Variants in SPRY2 observed in about 807,000 individuals in gnomAD.
SPRY2 encodes the protein protein sprouty homolog 2.
In SPRY2, 10 loss-of-function variants were observed where a neutral mutation model predicts 23.4. The ratio of observed to expected loss-of-function variants is 0.43; its 90% CI spans 0.26 to 0.73. SPRY2 has a LOEUF of 0.73. Among genes scored for constraint, SPRY2 ranks in the 30% least tolerant of loss-of-function variants. SPRY2 has a pLI of 0.22. For missense variants in SPRY2, 344 were observed against 396.9 expected (o/e 0.87, Z 1.13); for synonymous variants, 170 against 156.9 (o/e 1.08, Z -0.62).
chr13:80,337,103 G>A lies in SPRY2; in HGVS notation c.603C>T (p.Cys201=), dbSNP rs368278394. Residue 201 remains cysteine, a synonymous_variant, in exon 2 of 2, where the codon TGC becomes TGT. Coordinates refer to ENST00000377104, the MANE Select transcript of SPRY2 (RefSeq NM_005842.4). ...YPRPLPSDWI[C]DKQCLCSAQN... is the part of the protein sequence containing the mutation. ...GGGCCGAGCAAAGGCACTGCTTGTCGCAGATCCAGTCTGATGGCAGAGGCC... is the reference window on the plus strand; with the variant it reads ...GGGCCGAGCAAAGGCACTGCTTGTCACAGATCCAGTCTGATGGCAGAGGCC... 74 of 1,614,108 alleles carry A rather than the reference G, an allele frequency of 4.6e-5. No homozygotes were observed. The highest frequency in any genetic ancestry group is 5.3e-5 in the Non-Finnish European group (62 of 1,180,056).
intron 1 of SPRY2, among the ~76,000 whole-genome samples, chr13:80,338,104 T>C (rs757030259): frequency 3.0e-4 from 45 of 152,224 alleles, no homozygotes; most frequent in Non-Finnish European, 5.7e-4. Context: ...CTACCAATGT[T>C]TTCAAAAGTT....
rs1201281013 is a variant in SPRY2 at position 80,340,999 on chromosome 13, G to C, written c.-429C>G. 1 of 149,652 alleles carries C rather than the reference G, an allele frequency of 6.7e-6. No individual in the cohort carries two copies. The highest frequency in any genetic ancestry group is 2.4e-5 in the African/African-American group (1 of 41,122). The allele number at this position is 149,652 out of a possible 1,614,324, so 9.3% of individuals were successfully genotyped here. ...CAAGTGGTGCGGCCGGGGCCGCGTC[G>C]TAGCGGAGGCGGCGCGGGGGCGCGG... On this transcript the variant is annotated 5_prime_UTR_variant, in exon 1 of 2. Coordinates refer to ENST00000377104, the MANE Select transcript of SPRY2 (RefSeq NM_005842.4).
At chr13:80,339,977 A>G (rs557591992) in intron 1 of SPRY2, among the ~76,000 whole-genome samples, 2 of 152,182 alleles carry the variant, frequency 1.3e-5, no homozygotes, top group Non-Finnish European at 2.9e-5. Flanking sequence ...CGGAAGAGAG[A>G]GAGCTGCACT....
rs530848353 is a variant in SPRY2 at position 80,336,682 on chromosome 13, G to A, written c.*76C>T. 1 of 1,367,370 alleles carries A rather than the reference G, an allele frequency of 7.3e-7. No homozygotes were observed. Among genetic ancestry groups the A allele is most frequent in the Admixed American group, 2.0e-5 (1 of 51,148 alleles). The allele number at this position is 1,367,370 out of a possible 1,614,324, so 84.7% of individuals were successfully genotyped here. A position where few individuals can be genotyped will look rare whatever the true frequency, so the allele number is the denominator to read the frequency against. ...TATTAACAGTGCCAAGATTATAACT[G>A]TTTAGTTGGTTGCATATGTGTATTA... On this transcript the variant is annotated 3_prime_UTR_variant, in exon 2 of 2. Coordinates refer to ENST00000377104, the MANE Select transcript of SPRY2 (RefSeq NM_005842.4).
rs938573158 is a variant in SPRY2, at chr13:80,337,837, C to T, written c.-51-81G>A. 1.4e-5 allele frequency: 11 copies of T among 797,758 alleles called. No individual in the cohort carries two copies. In the African/African-American group the frequency reaches 1.5e-4, roughly 11 times the overall value. The allele number at this position is 797,758 out of a possible 1,614,324, so 49.4% of individuals were successfully genotyped here. ...ACCCACCTGAATTGACTCCTCACTTCCCACTTTCCCTAGAGAAACAGGATT... is the reference window on the plus strand; with the variant it reads ...ACCCACCTGAATTGACTCCTCACTTTCCACTTTCCCTAGAGAAACAGGATT... On this transcript the variant is annotated intron_variant, in intron 1 of 1. Coordinates refer to ENST00000377104, the MANE Select transcript of SPRY2 (RefSeq NM_005842.4).
chr13:80,336,937 C>G lies in SPRY2; in HGVS notation c.769G>C (p.Gly257Arg). The stretch of plus-strand genomic sequence containing the variant: ...CAAGGCAAAAAGAGGGACATGACAC[C>G]CATGGCTGACCATCGTGTACAACAG... Reference protein sequence around the residue: ...SHCCTRWSAMGVMSLFLPCLW... With the variant: ...SHCCTRWSAMRVMSLFLPCLW... The change falls in exon 2 of 2, where the codon GGT becomes CGT. Residue 257 changes from glycine (G) to arginine (R), a missense_variant. Gly to Arg is a moderately radical substitution (Grantham distance 125). Transcript: ENST00000377104. 6.2e-7 allele frequency: 1 copy of G among 1,614,158 alleles called. No homozygotes were observed. Among genetic ancestry groups the G allele is most frequent in the Non-Finnish European group, 8.5e-7 (1 of 1,180,038 alleles).
chr13:80,337,782 G>C, intron 1 of SPRY2, 26 bp from the exon 2 acceptor site: 3 of 1,340,070 alleles, frequency 2.2e-6, no homozygotes, highest in Non-Finnish European at 3.1e-6. Flanking sequence ...GGAAAGAACG[G>C]TTGATACTCT....
rs918165041 is a variant in SPRY2, at chr13:80,339,989, C to T, written c.-52+633G>A. On this transcript the variant is annotated intron_variant, in intron 1 of 1. Transcript: ENST00000377104. ...GAACGGAAGAGAGAGAGCTGCACTT[C>T]CGAACCGCAGAGACCCGGCGCCAGG... Among the ~76,000 whole-genome samples, 3 of 152,218 alleles carry T rather than the reference C, an allele frequency of 2.0e-5. No individual in the cohort carries two copies. The East Asian group carries it at 5.8e-4, about 29-fold the overall frequency.
At chr13:80,340,432 G>A (rs188771967) in intron 1 of SPRY2, among the ~76,000 whole-genome samples, 190 bp downstream of exon 1, 3 of 152,326 alleles carry the variant, frequency 2.0e-5, no homozygotes, top group African/African-American at 7.2e-5. Flanking sequence ...GCAGAGGCAG[G>A]CCGAGCCCAA....
chr13:80,336,112 T>A lies in SPRY2; in HGVS notation c.*646A>T, dbSNP rs1051880198. 1 of 152,252 alleles carries A rather than the reference T, an allele frequency of 6.6e-6. No homozygotes were observed. The highest frequency in any genetic ancestry group is 2.4e-5 in the African/African-American group (1 of 41,456). The allele number at this position is 152,252 out of a possible 1,614,324, so 9.4% of individuals were successfully genotyped here. On this transcript the variant is annotated 3_prime_UTR_variant, in exon 2 of 2. Coordinates refer to ENST00000377104, the MANE Select transcript of SPRY2 (RefSeq NM_005842.4). The stretch of plus-strand genomic sequence containing the variant: ...GCCTCTTAAAATAAATATTCTTTTT[T>A]ATAAAATAATAAAACTTCAAATAAA...
Position 80,336,646 on chromosome 13 carries a change from T to TC in SPRY2, c.*111dup. 8.8e-7 allele frequency: 1 copy of TC among 1,136,196 alleles called. No individual in the cohort carries two copies. The highest frequency in any genetic ancestry group is 1.3e-6 in the Non-Finnish European group (1 of 779,094). 70.4% of individuals were successfully genotyped at this position (1,136,196 alleles called of 1,614,324 possible). Reference sequence around the variant, plus strand: ...ATTTCACCGCAAACAGCAAAGACTATCCCACCTTTCTATTAACAGTGCCAA... The same window carrying TC: ...ATTTCACCGCAAACAGCAAAGACTATCCCCACCTTTCTATTAACAGTGCCAA... On this transcript the variant is annotated 3_prime_UTR_variant, in exon 2 of 2. Transcript: ENST00000377104.
rs964705203 is a variant in SPRY2, at chr13:80,336,806, G to A, written c.900C>T (p.Cys300=). ...GCRCKNSNTV[C]CKVPTVPPRN... ...TAGGGGGGACAGTGGGAACTTTGCA[G>A]CAAACTGTGTTTGAGTTTTTACAGC... The change falls in exon 2 of 2, where the codon TGC becomes TGT. Residue 300 remains cysteine, a synonymous_variant. Transcript: ENST00000377104. The A allele has an allele frequency of 6.2e-7, 1 of 1,614,184 alleles. No homozygotes were observed. The highest frequency in any genetic ancestry group is 1.3e-5 in the African/African-American group (1 of 75,056).
At position 80,340,644 on chromosome 13, in the gene SPRY2, C is replaced by T. The variant is rs1880477393; in HGVS notation, c.-74G>A. On this transcript the variant is annotated 5_prime_UTR_variant, in exon 1 of 2. Transcript: ENST00000377104. ...CACCGTGATCGCGGCTTTGCACCAA[C>T]CCCTCTCCCTTGGATTCTCTTCTTT... 3 of 152,276 alleles carry T rather than the reference C, an allele frequency of 2.0e-5. No individual in the cohort carries two copies. The highest frequency in any genetic ancestry group is 2.0e-4 in the Admixed American group (3 of 15,290). 9.4% of individuals were successfully genotyped at this position (152,276 alleles called of 1,614,324 possible). A position where few individuals can be genotyped will look rare whatever the true frequency, so the allele number is the denominator to read the frequency against.
rs1374205604 is a variant in SPRY2, at chr13:80,337,749, C to T, written c.-44G>A. 6.4e-7 allele frequency: 1 copy of T among 1,567,646 alleles called. No individual in the cohort carries two copies. The highest frequency in any genetic ancestry group is 2.2e-5 in the East Asian group (1 of 44,696). On this transcript the variant is annotated 5_prime_UTR_variant, in exon 2 of 2. Transcript: ENST00000377104. ...TCACTCCAGCAGGCTTAGAACACAT[C>T]TGAACTCCTGAGGAAGCCAAGAGGA... is the stretch of plus-strand genomic sequence containing the variant.
In SPRY2 at chr13:80,337,563, G is replaced by A. The variant is rs1230673905; in HGVS notation, c.143C>T (p.Ala48Val). 4 of 1,614,008 alleles carry A rather than the reference G, an allele frequency of 2.5e-6. No homozygotes were observed. Among genetic ancestry groups the A allele is most frequent in the Admixed American group, 3.3e-5 (2 of 59,990 alleles). The change falls in exon 2 of 2, where the codon GCC becomes GTC. Residue 48 changes from alanine (A) to valine (V), a missense_variant. Coordinates refer to ENST00000377104, the MANE Select transcript of SPRY2 (RefSeq NM_005842.4). ...TGTGTACTCATTGGTGTTTCGGATG[G>A]CTCTGATCTGATCCAGAGACAAGAC... ...VHVLSLDQIR[A>V]IRNTNEYTEG...
rs1200834296 is a variant in SPRY2, at chr13:80,336,665, G to A, written c.*93C>T. The A allele has an allele frequency of 1.6e-6, 2 of 1,282,746 alleles. No homozygotes were observed. Among genetic ancestry groups the A allele is most frequent in the African/African-American group, 3.0e-5 (2 of 67,500 alleles). The allele number at this position is 1,282,746 out of a possible 1,614,324, so 79.5% of individuals were successfully genotyped here. ...AGACTATCCCACCTTTCTATTAACA[G>A]TGCCAAGATTATAACTGTTTAGTTG... is the stretch of plus-strand genomic sequence containing the variant. On this transcript the variant is annotated 3_prime_UTR_variant, in exon 2 of 2. Coordinates refer to ENST00000377104, the MANE Select transcript of SPRY2 (RefSeq NM_005842.4).
chr13:80,339,740 C>T (rs1200572129), intron 1 of SPRY2: 1 of 152,088 alleles, frequency 6.6e-6, no homozygotes, highest in Non-Finnish European at 1.5e-5. Context: ...AACTTCAGCT[C>T]TAGGGTGGGG....
rs769531251 is a variant in SPRY2, at chr13:80,337,114, C to T, written c.592G>A (p.Asp198Asn). ...AGGCACTGCTTGTCGCAGATCCAGT[C>T]TGATGGCAGAGGCCTTGGGTAGGTG... ...ECTYPRPLPS[D>N]WICDKQCLCS... The change falls in exon 2 of 2, where the codon GAC becomes AAC. Residue 198 changes from aspartate (D) to asparagine (N), a missense_variant. Coordinates refer to ENST00000377104, the MANE Select transcript of SPRY2 (RefSeq NM_005842.4). 1 of 1,614,252 alleles carries T rather than the reference C, an allele frequency of 6.2e-7. No individual in the cohort carries two copies. The highest frequency in any genetic ancestry group is 2.2e-5 in the East Asian group (1 of 44,878).
chr13:80,337,244 G>C lies in SPRY2; in HGVS notation c.462C>G (p.Pro154=), dbSNP rs1353460782. Residue 154 remains proline (P), a synonymous_variant, in exon 2 of 2, where the codon CCC becomes CCG. Coordinates refer to ENST00000377104, the MANE Select transcript of SPRY2 (RefSeq NM_005842.4). The part of the protein sequence containing the change: ...PVADGIIRVQ[P]KSELKPGELK... ...GCTCACCTGGCTTGAGCTCAGATTTGGGTTGCACCCGGATTATGCCATCAG... is the reference window on the plus strand; with the variant it reads ...GCTCACCTGGCTTGAGCTCAGATTTCGGTTGCACCCGGATTATGCCATCAG... 3 of 1,612,140 alleles carry C rather than the reference G, an allele frequency of 1.9e-6. No individual in the cohort carries two copies. The highest frequency in any genetic ancestry group is 2.2e-5 in the South Asian group (2 of 91,072).
Sources: gnomAD v4.1 joint callset for allele counts (sites outside exome capture counted in the v4.1 genomes callset) on GRCh38, gnomAD v4.1.1 for gene constraint, MANE v1.5 for transcripts, NCBI Gene and HGNC (gene_info 2026-07-23, HGNC 2026-07-21) for gene names.